Variants in PTK2B observed in about 807,000 individuals in gnomAD.
The protein encoded by PTK2B is protein-tyrosine kinase 2-beta.
Under a neutral mutation model 142.9 loss-of-function variants are expected in PTK2B, and 71 were observed. That is an observed-to-expected ratio of 0.50 (90% CI 0.41 to 0.61). The LOEUF (loss-of-function observed/expected upper bound fraction) is 0.61, where lower values mean the gene tolerates loss of function less well. Ranked by LOEUF, PTK2B falls within the 20% of genes least tolerant of loss-of-function variation. The pLI is 0.00. For missense variants in PTK2B, 1,105 were observed against 1,320.4 expected (o/e 0.84, Z 2.53); for synonymous variants, 519 against 503.4 (o/e 1.03, Z -0.42).
intron 1 of PTK2B, among the ~76,000 whole-genome samples, chr8:27,339,843 G>C (rs1033459810): frequency 3.9e-5 from 6 of 152,236 alleles, no homozygotes; most frequent in Non-Finnish European, 1.5e-5. Context: ...ATCTTTCAGA[G>C]AAGCATTCAG....
At position 27,350,990 on chromosome 8, in the gene PTK2B, AATATATATATATAT is replaced by A. The variant is rs1161548916; in HGVS notation, c.-38+25347_-38+25360del. On this transcript the variant is annotated intron_variant, in intron 1 of 30. Coordinates refer to ENST00000346049, the MANE Select transcript of PTK2B (RefSeq NM_173176.3). ...GTCTCCGTCTCAAAAAAAAAAAAAA[AATATATATATATAT>A]ATATATATATATATATATATATATA... is the stretch of plus-strand genomic sequence containing the variant. Among the ~76,000 whole-genome samples the A allele has an allele frequency of 3.6e-3, 43 of 12,092 alleles. 4 individuals are homozygous for A. Among genetic ancestry groups the A allele is most frequent in the Non-Finnish European group, 4.4e-3 (28 of 6,374 alleles). 7.9% of individuals were successfully genotyped at this position (12,092 alleles called of 152,430 possible).
At chr8:27,430,814 A>G in intron 7 of PTK2B, 62 bp from the exon 8 acceptor site, 1 of 1,580,790 alleles carries the variant, frequency 6.3e-7, no homozygotes, top group Non-Finnish European at 8.6e-7. Flanking sequence ...GCGAGACCCT[A>G]AGGGAAGGAG....
chr8:27,415,629 G>A (rs1188307167), intron 2 of PTK2B, among the ~76,000 whole-genome samples: 2 of 152,202 alleles, frequency 1.3e-5, no homozygotes, highest in African/African-American at 2.4e-5. Context: ...GAACTTTCCA[G>A]TCTGGAATGG....
At chr8:27,370,183 A>C (rs1413865392) in intron 1 of PTK2B, among the ~76,000 whole-genome samples, 1 of 152,194 alleles carries the variant, frequency 6.6e-6, no homozygotes, top group African/African-American at 2.4e-5. Context: ...TATTGAAATC[A>C]GTGAAAGGGA....
chr8:27,312,659 T>C (rs879386164), intron 2 of PTK2B, among the ~76,000 whole-genome samples: 1 of 152,212 alleles, frequency 6.6e-6, no homozygotes, highest in Non-Finnish European at 1.5e-5. Context: ...TCTGCCCTCC[T>C]ATCTCTCAGT....
At chr8:27,367,166 G>A (rs768940397) in intron 1 of PTK2B, among the ~76,000 whole-genome samples, 10 of 152,126 alleles carry the variant, frequency 6.6e-5, no homozygotes, top group East Asian at 1.9e-4. Flanking sequence ...AAACACACAC[G>A]CACACATGCC....
chr8:27,351,608 T>C (rs1345577098), intron 1 of PTK2B, among the ~76,000 whole-genome samples: 1 of 152,032 alleles, frequency 6.6e-6, no homozygotes, highest in South Asian at 2.1e-4. Flanking sequence ...ATAAATTAAT[T>C]AATAAATAAA....
At chr8:27,431,510 G>T (rs770017802) in intron 9 of PTK2B, 38 bp downstream of exon 9, 3 of 1,611,702 alleles carry the variant, frequency 1.9e-6, no homozygotes, top group Non-Finnish European at 2.5e-6. Context: ...AGCCCCAGGC[G>T]GGGAGGTCGT....
At chr8:27,345,521 C>T (rs1190669306) in intron 1 of PTK2B, among the ~76,000 whole-genome samples, 1 of 152,188 alleles carries the variant, frequency 6.6e-6, no homozygotes, top group Non-Finnish European at 1.5e-5. Flanking sequence ...GGAGGACAAC[C>T]CCTCTTGGAG....
intron 26 of PTK2B, 30 bp downstream of exon 26, chr8:27,451,108 A>T (rs748990872): frequency 1.2e-6 from 2 of 1,605,594 alleles, no homozygotes; most frequent in East Asian, 2.2e-5. Flanking sequence ...CGCCTCCTCC[A>T]TGCCAAGGCC....
intron 1 of PTK2B, among the ~76,000 whole-genome samples, chr8:27,358,401 A>G (rs959635420): frequency 1.3e-5 from 2 of 152,142 alleles, no homozygotes; most frequent in African/African-American, 4.8e-5. Context: ...ACTTCTTGGC[A>G]AATTTTTCCT....
At chr8:27,362,481 G>C (rs1348588031) in intron 1 of PTK2B, among the ~76,000 whole-genome samples, 1 of 152,118 alleles carries the variant, frequency 6.6e-6, no homozygotes, top group East Asian at 1.9e-4. Context: ...ACCTAGGGGA[G>C]GTGTTCTGTT....
At chr8:27,315,069 AC>A (rs1443511595) in intron 3 of PTK2B, among the ~76,000 whole-genome samples, 1 of 152,180 alleles carries the variant, frequency 6.6e-6, no homozygotes, top group African/African-American at 2.4e-5. Context: ...AAAATCTCAG[AC>A]CTTTAAAGTT....
intron 2 of PTK2B, 99 bp from the exon 3 acceptor site, chr8:27,419,796 A>T: frequency 7.7e-7 from 1 of 1,306,620 alleles, no homozygotes; most frequent in Non-Finnish European, 1.1e-6. Flanking sequence ...TGAAGACAGA[A>T]TCCCACCCTA....
intron 24 of PTK2B, among the ~76,000 whole-genome samples, chr8:27,449,509 G>T (rs74902633): frequency 0.038 from 5,751 of 152,284 alleles, 372 homozygotes; most frequent in African/African-American, 0.13. Flanking sequence ...AGAGATAATT[G>T]TTAGCATCTT....
chr8:27,422,351 C>T lies in PTK2B; in HGVS notation c.519C>T (p.Gly173=). The T allele has an allele frequency of 6.2e-7, 1 of 1,613,668 alleles. No homozygotes were observed. Among genetic ancestry groups the T allele is most frequent in the Non-Finnish European group, 8.5e-7 (1 of 1,179,758 alleles). Residue 173 remains glycine, a synonymous_variant, in exon 5 of 31, where the codon GGC becomes GGT. Transcript: ENST00000346049. ...GCTACGCCAGCAAGGTCAGCGAGGG[C>T]ATGGCCCTGCAGCTGGGCTGCCTGG... The part of the protein sequence containing the change: ...MQRYASKVSE[G]MALQLGCLEL...
At chr8:27,364,765 C>T (rs534373832) in intron 1 of PTK2B, among the ~76,000 whole-genome samples, 190 of 152,342 alleles carry the variant, frequency 1.2e-3, no homozygotes, top group African/African-American at 4.3e-3. Context: ...AGGCAATATT[C>T]GCTTTTCTTC....
chr8:27,439,394 G>A lies in PTK2B; in HGVS notation c.1830G>A (p.Met610Ile). ...RRFTTASDVWMFAVCMWEILS... is the reference protein window; with the variant it reads ...RRFTTASDVWIFAVCMWEILS... ...TCACGACAGCCAGTGACGTCTGGAT[G>A]TTCGGTGAGTGCTGATTTGGGAGGG... Residue 610 changes from methionine to isoleucine, a missense_variant, in exon 20 of 31, where the codon ATG (methionine) becomes ATA (isoleucine). Coordinates refer to ENST00000346049, the MANE Select transcript of PTK2B (RefSeq NM_173176.3). The A allele has an allele frequency of 6.2e-7, 1 of 1,612,560 alleles. No homozygotes were observed. The highest frequency in any genetic ancestry group is 8.5e-7 in the Non-Finnish European group (1 of 1,178,564).
intron 2 of PTK2B, among the ~76,000 whole-genome samples, chr8:27,419,240 T>C (rs192461310): frequency 1.2e-4 from 19 of 152,302 alleles, no homozygotes; most frequent in Non-Finnish European, 2.5e-4. Flanking sequence ...CCAGCACTCA[T>C]TTCTTGTGTC....
Sources: gnomAD v4.1 joint callset for allele counts (sites outside exome capture counted in the v4.1 genomes callset) on GRCh38, gnomAD v4.1.1 for gene constraint, MANE v1.5 for transcripts, NCBI Gene and HGNC (gene_info 2026-07-23, HGNC 2026-07-21) for gene names.